The following ZBTB46 variants were observed in gnomAD, a reference collection of about 807,000 sequenced individuals.
The protein encoded by ZBTB46 is zinc finger and BTB domain containing 46.
Under a neutral mutation model 44.1 loss-of-function variants are expected in ZBTB46, and 8 were observed. The observed-to-expected ratio is 0.18, with a 90% CI of 0.11 to 0.33. The LOEUF is 0.33. ZBTB46 is among the 10% of genes least tolerant of loss of function. The pLI is 1.00. For missense variants in ZBTB46, 651 were observed against 847.7 expected (o/e 0.77, Z 2.88); for synonymous variants, 409 against 382.3 (o/e 1.07, Z -0.81).
chr20:63,822,325 C>G (rs2092796725), intron 1 of ZBTB46, among the ~76,000 whole-genome samples: 1 of 152,166 alleles, frequency 6.6e-6, no homozygotes, highest in Non-Finnish European at 1.5e-5. Context: ...ACCAGCACAC[C>G]CATGGGGGAG....
rs183303696 is a variant in ZBTB46 at position 63,767,640 on chromosome 20, C to T, written c.1222+8038G>A. 6.3e-4 allele frequency among the ~76,000 whole-genome samples: 96 copies of T among 152,356 alleles called. No individual in the cohort carries two copies. Among genetic ancestry groups the T allele is most frequent in the African/African-American group, 2.3e-3 (95 of 41,586 alleles). ...CAAAGCAAACGCCGGCTCCAGCGCA[C>T]AGACCAGAGGCACCCGCAGTTCTGT... is the stretch of plus-strand genomic sequence containing the variant. On this transcript the variant is annotated intron_variant, in intron 3 of 4. Coordinates refer to ENST00000245663, the MANE Select transcript of ZBTB46 (RefSeq NM_001369741.1). This position sits in a 1 kb window ranked among gnomAD's most constrained non-coding sequence, Gnocchi z 5.0.
chr20:63,793,422 C>A (rs573056803), intron 1 of ZBTB46, among the ~76,000 whole-genome samples: 4 of 152,302 alleles, frequency 2.6e-5, no homozygotes, highest in Admixed American at 6.5e-5. Flanking sequence ...AAACACACTT[C>A]AAACCCAGGA....
rs563949972 is a variant in ZBTB46, at chr20:63,780,587, G to T, written c.938-4625C>A. On this transcript the variant is annotated intron_variant, in intron 2 of 4. Coordinates refer to ENST00000245663, the MANE Select transcript of ZBTB46 (RefSeq NM_001369741.1). ...GGAGGCTGAGGCGGGCGGATCACGA[G>T]GTCAGGAGTTCAAGACCATCCTGGC... Among the ~76,000 whole-genome samples the T allele has an allele frequency of 6.6e-5, 10 of 152,104 alleles. No individual in the cohort carries two copies. In the South Asian group the frequency reaches 2.1e-3, roughly 32 times the overall value.
At chr20:63,802,953 C>T (rs557000566) in intron 1 of ZBTB46, among the ~76,000 whole-genome samples, 6 of 152,304 alleles carry the variant, frequency 3.9e-5, no homozygotes, top group South Asian at 4.2e-4. Context: ...CTGTTGTTTA[C>T]GACGTTCCCT....
At position 63,767,356 on chromosome 20, in the gene ZBTB46, C is replaced by T. The variant is rs1192014091; in HGVS notation, c.1222+8322G>A. Among the ~76,000 whole-genome samples, 2 of 152,122 alleles carry T rather than the reference C, an allele frequency of 1.3e-5. No homozygotes were observed. Among genetic ancestry groups the T allele is most frequent in the Admixed American group, 6.5e-5 (1 of 15,276 alleles). On this transcript the variant is annotated intron_variant, in intron 3 of 4. Coordinates refer to ENST00000245663, the MANE Select transcript of ZBTB46 (RefSeq NM_001369741.1). The surrounding 1 kb of genome is among the most constrained non-coding windows in gnomAD (Gnocchi z 5.0). ...CCGTCGGGCAGAAGCTGGAGGTCCA[C>T]CCGCCCCAGCTGCCCACCGGCTGGG...
intron 1 of ZBTB46, among the ~76,000 whole-genome samples, chr20:63,819,307 G>A (rs11698713): frequency 0.08 from 12,192 of 152,182 alleles, 1,037 homozygotes; most frequent in East Asian, 0.49. Context: ...GAGCGCACCC[G>A]GGATGCTAAT....
chr20:63,785,751 C>T (rs1372212121), intron 2 of ZBTB46, among the ~76,000 whole-genome samples: 1 of 152,216 alleles, frequency 6.6e-6, no homozygotes, highest in Non-Finnish European at 1.5e-5. Flanking sequence ...CAGGGAGTCA[C>T]TGGCCGCCAC....
intron 1 of ZBTB46, among the ~76,000 whole-genome samples, chr20:63,812,784 A>AAAAACAAAAC (rs1204856235): frequency 1.3e-5 from 2 of 151,900 alleles, no homozygotes; most frequent in South Asian, 4.2e-4. Context: ...TCTCAAAACA[A>AAAAACAAAAC]AAAACAAAAC....
At chr20:63,793,047 G>C (rs1293687956) in intron 1 of ZBTB46, among the ~76,000 whole-genome samples, 1 of 152,120 alleles carries the variant, frequency 6.6e-6, no homozygotes, top group Non-Finnish European at 1.5e-5. Context: ...CGCCGGGCAC[G>C]AGGGCTGTGA....
At chr20:63,808,946 C>G (rs1341506089) in intron 1 of ZBTB46, among the ~76,000 whole-genome samples, 1 of 134,878 alleles carries the variant, frequency 7.4e-6, no homozygotes, top group Non-Finnish European at 1.5e-5. Context: ...CACTGCACTC[C>G]AGCCTGGGCG....
intron 2 of ZBTB46, among the ~76,000 whole-genome samples, chr20:63,780,936 C>T (rs1015289782): frequency 2.0e-5 from 3 of 147,822 alleles, no homozygotes; most frequent in Non-Finnish European, 4.5e-5. Context: ...CAAGACCAGC[C>T]TGACCAACAT....
intron 3 of ZBTB46, among the ~76,000 whole-genome samples, chr20:63,754,801 GT>G (rs1213504247): frequency 1.3e-5 from 2 of 151,682 alleles, no homozygotes; most frequent in Non-Finnish European, 2.9e-5. Context: ...GGGTTTCACC[GT>G]GTTAGCCAGG....
upstream of ZBTB46, among the ~76,000 whole-genome samples, chr20:63,831,902 G>C (rs2092854328): frequency 6.6e-6 from 1 of 151,838 alleles, no homozygotes; most frequent in Admixed American, 6.6e-5. Flanking sequence ...AAGGAAGGCC[G>C]CCCGGGGTGC....
intron 1 of ZBTB46, among the ~76,000 whole-genome samples, chr20:63,792,441 C>T (rs555171660): frequency 1.3e-5 from 2 of 150,972 alleles, no homozygotes; most frequent in Non-Finnish European, 3.0e-5. Flanking sequence ...GGGGGCTCAG[C>T]AGTTTTGTAT....
At chr20:63,814,243 A>G (rs1301101761) in intron 1 of ZBTB46, among the ~76,000 whole-genome samples, 3 of 151,688 alleles carry the variant, frequency 2.0e-5, no homozygotes, top group Non-Finnish European at 2.9e-5. Context: ...AAAAAAAAAA[A>G]AAAAAGAAAA....
intron 1 of ZBTB46, among the ~76,000 whole-genome samples, chr20:63,818,439 G>C (rs2092772534): frequency 6.6e-6 from 1 of 152,250 alleles, no homozygotes; most frequent in African/African-American, 2.4e-5. Context: ...GCAGAGGGAG[G>C]GTGGGCCAGG....
At chr20:63,747,931 GC>G (rs1292460328) in intron 4 of ZBTB46, among the ~76,000 whole-genome samples, 1 of 152,214 alleles carries the variant, frequency 6.6e-6, no homozygotes, top group African/African-American at 2.4e-5. Flanking sequence ...CAGGCTGAGG[GC>G]CCCGCATTGG....
rs181550576 is a variant in ZBTB46 at position 63,774,632 on chromosome 20, G to C, written c.1222+1046C>G. Among the ~76,000 whole-genome samples the C allele has an allele frequency of 8.7e-4, 133 of 152,108 alleles. 2 individuals carry two copies. In the East Asian group the frequency reaches 0.021, roughly 24 times the overall value. On this transcript the variant is annotated intron_variant, in intron 3 of 4. Transcript: ENST00000245663. ...TAGGTGCCAGCACCAGGCCTTGCCC[G>C]GGGGCCCACATGAGCGCGAGACCAG...
chr20:63,830,640 G>A (rs1200469498), intron 1 of ZBTB46, among the ~76,000 whole-genome samples: 1 of 149,582 alleles, frequency 6.7e-6, no homozygotes, highest in Non-Finnish European at 1.5e-5. Flanking sequence ...CGCGGGCGGG[G>A]GGCGCCAAGA....
Sources: gnomAD v4.1 joint callset for allele counts (sites outside exome capture counted in the v4.1 genomes callset) on GRCh38, gnomAD v4.1.1 for gene constraint, Gnocchi (gnomAD v3.1) non-coding constraint, MANE v1.5 for transcripts, NCBI Gene and HGNC (gene_info 2026-07-23, HGNC 2026-07-21) for gene names.